Variants in SEC62 observed in about 807,000 individuals in gnomAD.
The protein encoded by SEC62 is translocation protein SEC62.
Under a neutral mutation model 47.5 loss-of-function variants are expected in SEC62, and 10 were observed. The observed-to-expected ratio is 0.21, with a 90% CI of 0.13 to 0.36. The LOEUF is 0.36. Among genes scored for constraint, SEC62 ranks in the 10% least tolerant of loss-of-function variants. The pLI is 1.00. For missense variants in SEC62, 327 were observed against 464.1 expected (o/e 0.70, Z 2.71); for synonymous variants, 136 against 150.5 (o/e 0.90, Z 0.71).
chr3:169,980,098 ATGACTTGG>A (rs1415457707), intron 3 of SEC62, among the ~76,000 whole-genome samples: 2 of 152,216 alleles, frequency 1.3e-5, no homozygotes, highest in East Asian at 3.8e-4. Flanking sequence ...AATAATAACT[ATGACTTGG>A]TCCCTACATC....
At chr3:169,978,036 T>C (rs891316770) in intron 3 of SEC62, among the ~76,000 whole-genome samples, 2 of 152,148 alleles carry the variant, frequency 1.3e-5, no homozygotes, top group Non-Finnish European at 2.9e-5. Flanking sequence ...TCCCAGCACT[T>C]TGGGAGGCCG....
At chr3:169,972,940 C>T (rs1714734631) in intron 1 of SEC62, among the ~76,000 whole-genome samples, 1 of 152,092 alleles carries the variant, frequency 6.6e-6, no homozygotes, top group South Asian at 2.1e-4. Flanking sequence ...TTTAATCAAG[C>T]ACCTCCCAGT....
chr3:169,992,236 G>A lies in SEC62; in HGVS notation c.731-358G>A, dbSNP rs1715265316. ...TAAGTGTACACCCAGATGGAAAAAA[G>A]AAGTAATTTTTTTCAGTGACATTAT... is the stretch of plus-strand genomic sequence containing the variant. On this transcript the variant is annotated intron_variant, in intron 7 of 7. Coordinates refer to ENST00000337002, the MANE Select transcript of SEC62 (RefSeq NM_003262.4). The surrounding 1 kb of genome is among the most constrained non-coding windows in gnomAD (Gnocchi z 4.0). Among the ~76,000 whole-genome samples the A allele has an allele frequency of 6.6e-6, 1 of 152,172 alleles. No homozygotes were observed. The highest frequency in any genetic ancestry group is 1.5e-5 in the Non-Finnish European group (1 of 68,028).
At position 169,995,330 on chromosome 3, in the gene SEC62, T is replaced by C. The variant is rs564860114; in HGVS notation, c.*2267T>C. On this transcript the variant is annotated 3_prime_UTR_variant, in exon 8 of 8. Transcript: ENST00000337002. ...GAATTTACCAGAGGCTAAGTTCAGA[T>C]AGTAAGAATAATGCATATGTGATTG... is the stretch of plus-strand genomic sequence containing the variant. The C allele has an allele frequency of 6.6e-6, 1 of 152,330 alleles. No individual in the cohort carries two copies. Among genetic ancestry groups the C allele is most frequent in the African/African-American group, 2.4e-5 (1 of 41,576 alleles). The allele number at this position is 152,330 out of a possible 1,614,324, so 9.4% of individuals were successfully genotyped here.
intron 3 of SEC62, 23 bp downstream of exon 3, chr3:169,977,074 G>T: frequency 6.6e-7 from 1 of 1,517,586 alleles, no homozygotes; most frequent in Admixed American, 1.8e-5. Context: ...TCTTAGTGAA[G>T]AATAACATAA....
At chr3:169,975,523 T>A in intron 1 of SEC62, 85 bp from the exon 2 acceptor site, 1 of 902,664 alleles carries the variant, frequency 1.1e-6, no homozygotes, top group South Asian at 1.5e-5. Context: ...TTGAAAAGAT[T>A]CATAAAATAG....
At chr3:169,970,619 A>G (rs1272375138) in intron 1 of SEC62, among the ~76,000 whole-genome samples, 3 of 152,306 alleles carry the variant, frequency 2.0e-5, no homozygotes, top group African/African-American at 7.2e-5. Flanking sequence ...TTCTAACCAA[A>G]CTTCCAATTT....
At chr3:169,973,954 A>T (rs1225991812) in intron 1 of SEC62, among the ~76,000 whole-genome samples, 4 of 152,196 alleles carry the variant, frequency 2.6e-5, no homozygotes, top group Non-Finnish European at 5.9e-5. Flanking sequence ...AAAAACTTCC[A>T]CTTCATCTAA....
chr3:169,975,803 T>A (rs1714822150), intron 2 of SEC62, 87 bp downstream of exon 2: 1 of 819,058 alleles, frequency 1.2e-6, no homozygotes. Context: ...TTAAAAGTGC[T>A]TTCCAAATGT....
At chr3:169,970,801 G>T (rs1011911440) in intron 1 of SEC62, among the ~76,000 whole-genome samples, 1 of 152,102 alleles carries the variant, frequency 6.6e-6, no homozygotes, top group South Asian at 2.1e-4. Flanking sequence ...TGATAGGTTG[G>T]TTTCTCTTTA....
chr3:169,974,939 A>G (rs943953496), intron 1 of SEC62, among the ~76,000 whole-genome samples: 2 of 152,194 alleles, frequency 1.3e-5, no homozygotes, highest in African/African-American at 4.8e-5. Context: ...TTGGATACTC[A>G]CTATTAGCAA....
chr3:169,973,063 T>C (rs527333194), intron 1 of SEC62, among the ~76,000 whole-genome samples: 6 of 152,364 alleles, frequency 3.9e-5, no homozygotes, highest in African/African-American at 1.4e-4. Flanking sequence ...ATAAACCATT[T>C]ATAGTATTCA....
At position 169,992,571 on chromosome 3, in the gene SEC62, TAGAG is replaced by T; in HGVS notation, c.731-21_731-18del. 1 of 1,553,280 alleles carries T rather than the reference TAGAG, an allele frequency of 6.4e-7. No individual in the cohort carries two copies. Among genetic ancestry groups the T allele is most frequent in the Non-Finnish European group, 8.8e-7 (1 of 1,136,920 alleles). On this transcript the variant is annotated intron_variant, in intron 7 of 7. Transcript: ENST00000337002. The surrounding 1 kb of genome is among the most constrained non-coding windows in gnomAD (Gnocchi z 4.0). The stretch of plus-strand genomic sequence containing the variant: ...TGAGGCAGTGTTTGAATTACTCAAT[TAGAG>T]AAATTTTTCTCCCCACAGCTCGATG...
intron 7 of SEC62, among the ~76,000 whole-genome samples, chr3:169,990,101 T>TA (rs1204695938): frequency 2.0e-5 from 3 of 149,766 alleles, no homozygotes; most frequent in Non-Finnish European, 4.4e-5. Flanking sequence ...AATATATTTT[T>TA]ATATATATTC....
chr3:169,972,253 T>G (rs1714716105), intron 1 of SEC62, among the ~76,000 whole-genome samples: 1 of 152,248 alleles, frequency 6.6e-6, no homozygotes, highest in African/African-American at 2.4e-5. Context: ...ATGACTATTC[T>G]GCTTTTACAC....
intron 6 of SEC62, 170 bp downstream of exon 6, chr3:169,986,035 CAT>C (rs1715098642): frequency 3.7e-6 from 2 of 543,436 alleles, no homozygotes; most frequent in South Asian, 2.6e-5. Flanking sequence ...ATATTTGAAA[CAT>C]ATTAAAGATC....
chr3:169,977,156 A>C, intron 3 of SEC62, 105 bp downstream of exon 3: 6 of 643,750 alleles, frequency 9.3e-6, no homozygotes, highest in East Asian at 5.9e-5. Flanking sequence ...AACATAACTC[A>C]AATACTGTTT....
rs892798827 is a variant in SEC62 at position 169,997,404 on chromosome 3, A to G, written c.*4341A>G. On this transcript the variant is annotated 3_prime_UTR_variant, in exon 8 of 8. Transcript: ENST00000337002. ...ACACTTTGGTCTTATTTCATTTTCA[A>G]TGATTTCCTAGATCACTTTAACTTT... 5.9e-5 allele frequency: 9 copies of G among 152,198 alleles called. No individual in the cohort carries two copies. Among genetic ancestry groups the G allele is most frequent in the African/African-American group, 2.2e-4 (9 of 41,442 alleles). The allele number at this position is 152,198 out of a possible 1,614,324, so 9.4% of individuals were successfully genotyped here. A position where few individuals can be genotyped will look rare whatever the true frequency, so the allele number is the denominator to read the frequency against.
rs368263633 is a variant in SEC62, at chr3:169,988,232, T to G, written c.611-8T>G. 1 of 1,613,442 alleles carries G rather than the reference T, an allele frequency of 6.2e-7. No homozygotes were observed. Among genetic ancestry groups the G allele is most frequent in the South Asian group, 1.1e-5 (1 of 91,022 alleles). ...CTAAAATTTAACTTTTGTCATTTCTTGTTCCAGTGATTGCAGTAATAGCGG... is the reference window on the plus strand; with the variant it reads ...CTAAAATTTAACTTTTGTCATTTCTGGTTCCAGTGATTGCAGTAATAGCGG... On this transcript the variant is annotated splice_polypyrimidine_tract_variant and splice_region_variant and intron_variant, in intron 6 of 7. Coordinates refer to ENST00000337002, the MANE Select transcript of SEC62 (RefSeq NM_003262.4).
Sources: allele counts gnomAD v4.1 joint callset (sites outside exome capture counted in the v4.1 genomes callset), GRCh38; gene constraint gnomAD v4.1.1; non-coding constraint Gnocchi (gnomAD v3.1); transcripts MANE v1.5; gene names NCBI Gene and HGNC (gene_info 2026-07-23, HGNC 2026-07-21).